The following TAFA2 variants were observed in gnomAD, a reference collection of about 807,000 sequenced individuals.
TAFA2 encodes TAFA chemokine like family member 2.
TAFA2 carries 7 observed loss-of-function variants against 18.8 expected under a neutral mutation model. The ratio of observed to expected loss-of-function variants is 0.37; its 90% CI spans 0.21 to 0.70. The LOEUF (loss-of-function observed/expected upper bound fraction) is 0.70. Among genes scored for constraint, TAFA2 ranks in the 30% least tolerant of loss-of-function variants. The pLI, the probability that TAFA2 is intolerant of heterozygous loss-of-function variation, is 0.53. For missense variants in TAFA2, 122 were observed against 158.1 expected (o/e 0.77, Z 1.23); for synonymous variants, 60 against 54.2 (o/e 1.11, Z -0.47).
chr12:62,120,257 A>G (rs1343997285), intron 1 of TAFA2, among the ~76,000 whole-genome samples: 1 of 152,216 alleles, frequency 6.6e-6, no homozygotes, highest in African/African-American at 2.4e-5. Flanking sequence ...TGATATACCC[A>G]CAAATGTTGA....
intron 1 of TAFA2, among the ~76,000 whole-genome samples, chr12:62,256,854 C>G (rs191546304): frequency 6.6e-6 from 1 of 152,142 alleles, no homozygotes; most frequent in East Asian, 1.9e-4. Flanking sequence ...TGCACTACTC[C>G]CCCGCCTTTC....
intron 1 of TAFA2, among the ~76,000 whole-genome samples, chr12:62,109,052 C>T (rs1247655768): frequency 1.3e-5 from 2 of 152,136 alleles, no homozygotes; most frequent in Non-Finnish European, 2.9e-5. Flanking sequence ...TAAGTCTTTG[C>T]CCATGCCTAT....
At chr12:61,955,653 A>ATATATG (rs1555178824) in intron 1 of TAFA2, among the ~76,000 whole-genome samples, 23 of 103,534 alleles carry the variant, frequency 2.2e-4, no homozygotes, top group African/African-American at 7.2e-4. Context: ...ATATATATAT[A>ATATATG]TATATATATA....
chr12:61,787,291 T>A (rs1035661061), intron 2 of TAFA2, among the ~76,000 whole-genome samples: 7 of 151,622 alleles, frequency 4.6e-5, no homozygotes, highest in African/African-American at 1.5e-4. Flanking sequence ...ACCAGACTGA[T>A]CTTACAAGAA....
At chr12:61,719,613 T>C (rs938344191) in intron 4 of TAFA2, among the ~76,000 whole-genome samples, 2 of 152,302 alleles carry the variant, frequency 1.3e-5, no homozygotes, top group Admixed American at 6.5e-5. Context: ...AGAGCTTGAT[T>C]TGAGTAACAG....
At chr12:61,897,412 C>T (rs1348723671) in intron 1 of TAFA2, among the ~76,000 whole-genome samples, 2 of 151,888 alleles carry the variant, frequency 1.3e-5, no homozygotes, top group Admixed American at 1.3e-4. Context: ...AAGAACTGCC[C>T]AAGACTGAGT....
chr12:61,782,113 A>G (rs1307193946), intron 2 of TAFA2, among the ~76,000 whole-genome samples: 2 of 151,700 alleles, frequency 1.3e-5, no homozygotes, highest in Admixed American at 1.3e-4. Context: ...GGTATAAAAT[A>G]TAAACGAAAT....
chr12:61,925,613 A>G (rs530395163), intron 1 of TAFA2, among the ~76,000 whole-genome samples: 5 of 152,352 alleles, frequency 3.3e-5, no homozygotes, highest in Non-Finnish European at 5.9e-5. Context: ...AGCAGTGTTT[A>G]GAGGGAAATT....
chr12:62,230,202 T>C (rs1592410928), intron 1 of TAFA2, among the ~76,000 whole-genome samples: 1 of 151,982 alleles, frequency 6.6e-6, no homozygotes, highest in Non-Finnish European at 1.5e-5. Flanking sequence ...GTATCAATTG[T>C]ATTTTATTTC....
chr12:61,782,635 TC>T (rs1405241058), intron 2 of TAFA2, among the ~76,000 whole-genome samples: 1 of 151,728 alleles, frequency 6.6e-6, no homozygotes, highest in African/African-American at 2.4e-5. Flanking sequence ...CATAATTGTT[TC>T]AGAATAAATC....
intron 2 of TAFA2, among the ~76,000 whole-genome samples, chr12:61,843,380 G>C (rs1873269920): frequency 6.6e-6 from 1 of 152,012 alleles, no homozygotes; most frequent in Non-Finnish European, 1.5e-5. Flanking sequence ...CAAAAAATGA[G>C]GCTGACCAAA....
intron 1 of TAFA2, among the ~76,000 whole-genome samples, chr12:62,164,338 C>G (rs1475457011): frequency 1.3e-5 from 2 of 152,144 alleles, no homozygotes; most frequent in Admixed American, 1.3e-4. Context: ...ATACTCTGGA[C>G]ATCATAGTGC....
intron 1 of TAFA2, among the ~76,000 whole-genome samples, chr12:62,206,305 G>A (rs540509780): frequency 6.6e-6 from 1 of 152,274 alleles, no homozygotes; most frequent in South Asian, 2.1e-4. Context: ...AGAATATCAA[G>A]TGTCTGGACA....
At chr12:61,754,518 C>T (rs1048768638) in intron 3 of TAFA2, among the ~76,000 whole-genome samples, 1 of 150,834 alleles carries the variant, frequency 6.6e-6, no homozygotes, top group African/African-American at 2.4e-5. Flanking sequence ...GGTTTAAGAA[C>T]CCATAATATT....
chr12:61,929,179 A>G (rs1877442762), intron 1 of TAFA2, among the ~76,000 whole-genome samples: 1 of 151,722 alleles, frequency 6.6e-6, no homozygotes, highest in East Asian at 1.9e-4. Context: ...AAAAAAGGAG[A>G]AAGGATCCAA....
At position 61,756,039 on chromosome 12, in the gene TAFA2, C is replaced by CATAAGGAG. The variant is rs527572199; in HGVS notation, c.107-1023_107-1016dup. 2.3e-3 allele frequency among the ~76,000 whole-genome samples: 343 copies of CATAAGGAG among 152,080 alleles called. 2 individuals are homozygous for CATAAGGAG. The highest frequency in any genetic ancestry group is 6.8e-3 in the Middle Eastern group (2 of 294). On this transcript the variant is annotated intron_variant, in intron 2 of 4. Transcript: ENST00000416284. ...ATCTTAAGTTGTTTAATGGCATAAACATAAGGAGACCCATTGCAAATGAGA... is the reference window on the plus strand; with the variant it reads ...ATCTTAAGTTGTTTAATGGCATAAACATAAGGAGATAAGGAGACCCATTGCAAATGAGA...
At chr12:62,055,917 C>T (rs1882176234) in intron 1 of TAFA2, among the ~76,000 whole-genome samples, 2 of 152,018 alleles carry the variant, frequency 1.3e-5, no homozygotes, top group Admixed American at 1.3e-4. Flanking sequence ...TGTCAAAAAC[C>T]TTTGAAAGTC....
chr12:61,738,491 A>C (rs1868346662), intron 4 of TAFA2, among the ~76,000 whole-genome samples: 1 of 152,062 alleles, frequency 6.6e-6, no homozygotes, highest in African/African-American at 2.4e-5. Flanking sequence ...TTGTCAGAAA[A>C]AGAAGAATTG....
At chr12:62,172,219 C>T (rs1294064246) in intron 1 of TAFA2, among the ~76,000 whole-genome samples, 1 of 152,026 alleles carries the variant, frequency 6.6e-6, no homozygotes, top group Non-Finnish European at 1.5e-5. Flanking sequence ...GGATGCCTTC[C>T]TCCCTCCCTT....
Sources: gnomAD v4.1 joint callset for allele counts (sites outside exome capture counted in the v4.1 genomes callset) on GRCh38, gnomAD v4.1.1 for gene constraint, MANE v1.5 for transcripts, NCBI Gene and HGNC (gene_info 2026-07-23, HGNC 2026-07-21) for gene names.